The following SCP2 variants were observed in gnomAD, a reference collection of about 807,000 sequenced individuals.
SCP2 encodes the protein SCP-2/3-oxoacyl-CoA thiolase.
In SCP2, 48 loss-of-function variants were observed where a neutral mutation model predicts 71.4. The observed-to-expected ratio is 0.67, with a 90% confidence interval of 0.53 to 0.86. The LOEUF (loss-of-function observed/expected upper bound fraction) is 0.86, where lower values mean the gene tolerates loss of function less well. SCP2 is among the 40% of genes least tolerant of loss of function. SCP2 has a pLI of 0.00. For synonymous variants in SCP2, 220 were observed against 218.1 expected (o/e 1.01, Z -0.08); for missense variants, 560 against 655.6 (o/e 0.85, Z 1.59).
intron 4 of SCP2, 109 bp downstream of exon 4, chr1:52,950,995 A>T: frequency 7.7e-7 from 1 of 1,305,022 alleles, no homozygotes; most frequent in Non-Finnish European, 1.1e-6. Context: ...AAAAGTCTTC[A>T]TCAGGCCGGG....
intron 11 of SCP2, among the ~76,000 whole-genome samples, chr1:52,996,337 C>T (rs1167051186): frequency 6.6e-6 from 1 of 152,122 alleles, no homozygotes; most frequent in East Asian, 1.9e-4. Context: ...TCATCCAGAT[C>T]TCATTTAGAA....
intron 14 of SCP2, among the ~76,000 whole-genome samples, chr1:53,045,679 G>GT (rs1291402648): frequency 6.6e-6 from 1 of 151,922 alleles, no homozygotes; most frequent in East Asian, 1.9e-4. Context: ...TACTTGCCAG[G>GT]TTTTTTTAAA....
intron 14 of SCP2, among the ~76,000 whole-genome samples, chr1:53,045,260 T>TCACC (rs1213671464): frequency 2.0e-5 from 3 of 152,190 alleles, no homozygotes; most frequent in Non-Finnish European, 2.9e-5. Flanking sequence ...TCAAATCCTA[T>TCACC]CACCATAGCT....
intron 13 of SCP2, among the ~76,000 whole-genome samples, chr1:53,033,408 GC>G (rs1557623935): frequency 6.6e-6 from 1 of 151,982 alleles, no homozygotes; most frequent in East Asian, 1.9e-4. Context: ...TTCAAGACCA[GC>G]CTGGCCAACA....
At chr1:53,039,315 CA>C (rs2150264093) in intron 14 of SCP2, among the ~76,000 whole-genome samples, 2 of 152,332 alleles carry the variant, frequency 1.3e-5, no homozygotes, top group South Asian at 2.1e-4. Context: ...TGACCTTGAA[CA>C]AGTTATTTAA....
At chr1:53,021,157 C>A (rs1156343307) in intron 12 of SCP2, among the ~76,000 whole-genome samples, 1 of 152,010 alleles carries the variant, frequency 6.6e-6, no homozygotes, top group Admixed American at 6.6e-5. Context: ...CAGGCACACA[C>A]CGTCATGCCC....
intron 15 of SCP2, 176 bp from the exon 16 acceptor site, chr1:53,050,433 A>G: frequency 3.6e-6 from 2 of 561,488 alleles, no homozygotes; most frequent in East Asian, 3.1e-5. Flanking sequence ...GGCCTTTACA[A>G]ATTCTTCCTT....
At chr1:52,985,422 T>C (rs1248782281) in intron 10 of SCP2, among the ~76,000 whole-genome samples, 1 of 152,198 alleles carries the variant, frequency 6.6e-6, no homozygotes, top group African/African-American at 2.4e-5. Flanking sequence ...CTATGGACTC[T>C]ACCTTCAAAA....
chr1:53,051,393 T>A lies in SCP2; in HGVS notation c.*689T>A, dbSNP rs1395565004. On this transcript the variant is annotated 3_prime_UTR_variant, in exon 16 of 16. Coordinates refer to ENST00000371514, the MANE Select transcript of SCP2 (RefSeq NM_002979.5). The stretch of plus-strand genomic sequence containing the variant: ...GAATAATTGAACAATAAAGTTTGCT[T>A]TCAGATGCAGTTTTCAAATTATAAT... The A allele has an allele frequency of 2.6e-5, 4 of 152,190 alleles. No homozygotes were observed. Among genetic ancestry groups the A allele is most frequent in the African/African-American group, 9.6e-5 (4 of 41,462 alleles). The allele number at this position is 152,190 out of a possible 1,614,324, so 9.4% of individuals were successfully genotyped here. A position where few individuals can be genotyped will look rare whatever the true frequency, so the allele number is the denominator to read the frequency against.
At chr1:52,940,820 G>A (rs933831786) in intron 1 of SCP2, among the ~76,000 whole-genome samples, 1 of 151,906 alleles carries the variant, frequency 6.6e-6, no homozygotes, top group South Asian at 2.1e-4. Flanking sequence ...GCACTATCTC[G>A]GCTCACTGCA....
Position 53,021,014 on chromosome 1 carries a change from C to CT in SCP2, c.1235+5981dup, listed in dbSNP as rs1015441469. On this transcript the variant is annotated intron_variant, in intron 12 of 15. Transcript: ENST00000371514. ...CAAACACTAAGAATAACAGCAACCA[C>CT]TTTTTTTTTTAGACAGAGTCTCACT... 3.8e-3 allele frequency among the ~76,000 whole-genome samples: 564 copies of CT among 148,106 alleles called. 10 individuals carry two copies. The highest frequency in any genetic ancestry group is 0.013 in the African/African-American group (538 of 40,528).
chr1:52,993,746 T>C, intron 11 of SCP2: 1 of 1,601,914 alleles, frequency 6.2e-7, no homozygotes, highest in Non-Finnish European at 8.5e-7. Flanking sequence ...GATTGAAGAC[T>C]CCTGCATGCC....
intron 2 of SCP2, 99 bp downstream of exon 2, chr1:52,941,952 C>A: frequency 1.2e-6 from 1 of 841,238 alleles, no homozygotes; most frequent in East Asian, 2.6e-5. Context: ...AAAGGAAGCC[C>A]AGTCAAGGGA....
chr1:53,033,529 G>A (rs139635133), intron 13 of SCP2, among the ~76,000 whole-genome samples: 96 of 149,124 alleles, frequency 6.4e-4, no homozygotes, highest in African/African-American at 2.3e-3. Flanking sequence ...CACTTGAACC[G>A]AGGAGGCAGA....
At position 52,927,314 on chromosome 1, in the gene SCP2, T is replaced by C. The variant is rs1208097603; in HGVS notation, c.-83T>C. On this transcript the variant is annotated 5_prime_UTR_variant, in exon 1 of 16. Coordinates refer to ENST00000371514, the MANE Select transcript of SCP2 (RefSeq NM_002979.5). ...GCCGCCCGCGGCCCTGGCTTCGGGC[T>C]TCAGGGAGCTCTGGTGCAGTCTCCG... The C allele has an allele frequency of 8.2e-7, 1 of 1,218,452 alleles. No homozygotes were observed. Among genetic ancestry groups the C allele is most frequent in the Non-Finnish European group, 1.2e-6 (1 of 864,726 alleles). 75.5% of individuals were successfully genotyped at this position (1,218,452 alleles called of 1,614,324 possible). A position where few individuals can be genotyped will look rare whatever the true frequency, so the allele number is the denominator to read the frequency against.
chr1:52,951,457 G>A (rs1283883667), intron 4 of SCP2, among the ~76,000 whole-genome samples: 1 of 149,394 alleles, frequency 6.7e-6, no homozygotes, highest in African/African-American at 2.5e-5. Flanking sequence ...AAAAAAATTA[G>A]CCAGGCGTGG....
At chr1:52,932,403 A>G (rs777786269) in intron 1 of SCP2, among the ~76,000 whole-genome samples, 1 of 152,206 alleles carries the variant, frequency 6.6e-6, no homozygotes, top group Non-Finnish European at 1.5e-5. Flanking sequence ...TTGAGGGTAG[A>G]AAAAAATTTT....
intron 12 of SCP2, among the ~76,000 whole-genome samples, chr1:53,015,927 C>G (rs1469897492): frequency 6.6e-6 from 1 of 152,194 alleles, no homozygotes; most frequent in African/African-American, 2.4e-5. Context: ...TTTAACCCGG[C>G]TGTAGCTTTT....
At chr1:52,963,211 A>G (rs1020069362) in intron 6 of SCP2, among the ~76,000 whole-genome samples, 2 of 152,050 alleles carry the variant, frequency 1.3e-5, no homozygotes, top group Non-Finnish European at 2.9e-5. Flanking sequence ...ACTTAGCACT[A>G]TTTATGTTCA....
Sources: allele counts gnomAD v4.1 joint callset (sites outside exome capture counted in the v4.1 genomes callset), GRCh38; gene constraint gnomAD v4.1.1; transcripts MANE v1.5; gene names NCBI Gene and HGNC (gene_info 2026-07-23, HGNC 2026-07-21).